Variants in DLG2 observed in about 807,000 individuals in gnomAD.
DLG2 encodes the protein discs large MAGUK scaffold protein 2.
Under a neutral mutation model 132.5 loss-of-function variants are expected in DLG2, and 45 were observed. The ratio of observed to expected loss-of-function variants is 0.34; its 90% CI spans 0.27 to 0.44. The LOEUF (loss-of-function observed/expected upper bound fraction) is 0.44, where lower values mean the gene tolerates loss of function less well. Ranked by LOEUF, DLG2 falls within the 20% of genes least tolerant of loss-of-function variation. The pLI, the probability that DLG2 is intolerant of heterozygous loss-of-function variation, is 1.00. For synonymous variants in DLG2, 424 were observed against 419.6 expected, an observed-to-expected ratio of 1.01 and a Z score of -0.13; for missense variants, 1,045 against 1,196.9, an observed-to-expected ratio of 0.87 and a Z score of 1.87.
intron 6 of DLG2, among the ~76,000 whole-genome samples, chr11:85,086,162 G>C (rs546983238): frequency 6.6e-6 from 1 of 152,064 alleles, no homozygotes; most frequent in African/African-American, 2.4e-5. Flanking sequence ...TTCCATACTT[G>C]AGATCTCATT....
At chr11:85,291,103 T>C (rs903556426) in intron 3 of DLG2, among the ~76,000 whole-genome samples, 1 of 152,158 alleles carries the variant, frequency 6.6e-6, no homozygotes, top group Non-Finnish European at 1.5e-5. Flanking sequence ...GTAAATATTT[T>C]TCTCTTGAAA....
At chr11:84,915,501 G>T (rs1356056745) in intron 6 of DLG2, among the ~76,000 whole-genome samples, 5 of 152,234 alleles carry the variant, frequency 3.3e-5, no homozygotes, top group Admixed American at 1.3e-4. Context: ...TTAACACATA[G>T]CAATTTCTGA....
intron 6 of DLG2, among the ~76,000 whole-genome samples, chr11:84,801,647 A>G (rs900077209): frequency 3.3e-5 from 5 of 152,228 alleles, no homozygotes; most frequent in Admixed American, 6.5e-5. Flanking sequence ...TGTGTCCCCC[A>G]GATGAAAGCA....
intron 10 of DLG2, among the ~76,000 whole-genome samples, chr11:84,079,911 T>C (rs1244551225): frequency 6.6e-6 from 1 of 152,182 alleles, no homozygotes; most frequent in Non-Finnish European, 1.5e-5. Flanking sequence ...CTCCATTCAC[T>C]TGGGTAACAG....
intron 6 of DLG2, among the ~76,000 whole-genome samples, chr11:84,583,009 T>C (rs2099520267): frequency 6.6e-6 from 1 of 152,214 alleles, no homozygotes; most frequent in Admixed American, 6.5e-5. Context: ...GTTTTGCTTA[T>C]GCTGACCCAA....
chr11:85,548,465 G>T (rs1332234279), intron 3 of DLG2, among the ~76,000 whole-genome samples: 1 of 152,224 alleles, frequency 6.6e-6, no homozygotes, highest in Non-Finnish European at 1.5e-5. Flanking sequence ...ATACACGGGG[G>T]TCAGGGACCC....
chr11:85,561,229 G>C (rs2077217673), intron 3 of DLG2, among the ~76,000 whole-genome samples: 1 of 147,986 alleles, frequency 6.8e-6, no homozygotes, highest in Admixed American at 6.8e-5. Flanking sequence ...CAGGCATGGT[G>C]GTTGAGACAG....
At chr11:84,003,869 T>C (rs934985008) in intron 11 of DLG2, among the ~76,000 whole-genome samples, 15 of 152,174 alleles carry the variant, frequency 9.9e-5, no homozygotes, top group African/African-American at 3.6e-4. Flanking sequence ...CCTGGAAACA[T>C]ACAACCTTCC....
intron 3 of DLG2, among the ~76,000 whole-genome samples, chr11:85,381,536 G>C (rs116872531): frequency 1.3e-5 from 2 of 152,002 alleles, no homozygotes; most frequent in East Asian, 1.9e-4. Flanking sequence ...AAGTCATCTA[G>C]ACTGAAAAGG....
chr11:83,765,766 T>C (rs868758227), intron 18 of DLG2, among the ~76,000 whole-genome samples: 3 of 152,196 alleles, frequency 2.0e-5, no homozygotes, highest in Non-Finnish European at 2.9e-5. Context: ...AGGCACAATA[T>C]ATGTACAATT....
chr11:85,425,981 G>T (rs557025952), intron 3 of DLG2, among the ~76,000 whole-genome samples: 1 of 152,350 alleles, frequency 6.6e-6, no homozygotes, highest in African/African-American at 2.4e-5. Flanking sequence ...CAGCATACCA[G>T]AAGATTACAT....
chr11:84,551,907 A>C (rs182567860), intron 6 of DLG2, among the ~76,000 whole-genome samples: 1 of 152,236 alleles, frequency 6.6e-6, no homozygotes, highest in African/African-American at 2.4e-5. Context: ...CCAAATACAA[A>C]ATTACACAGA....
chr11:83,540,451 G>A (rs11601201), intron 20 of DLG2, among the ~76,000 whole-genome samples: 36,281 of 152,018 alleles, frequency 0.24, 4,996 homozygotes, highest in African/African-American at 0.36. Context: ...TGGCATGGGG[G>A]AGGGAGAGGC....
chr11:84,131,576 C>T (rs872512), intron 9 of DLG2, among the ~76,000 whole-genome samples: 115,674 of 151,748 alleles, frequency 0.76, 44,858 homozygotes, highest in Middle Eastern at 0.87. Context: ...GCACTAGGAT[C>T]ATAATGATGA....
chr11:85,129,459 C>A (rs1015435373), intron 5 of DLG2, among the ~76,000 whole-genome samples: 3 of 152,048 alleles, frequency 2.0e-5, no homozygotes, highest in Non-Finnish European at 2.9e-5. Flanking sequence ...TATGTAGAAA[C>A]AAAATAAAAA....
chr11:84,202,454 T>A (rs761442926), intron 8 of DLG2, among the ~76,000 whole-genome samples: 1 of 152,126 alleles, frequency 6.6e-6, no homozygotes, highest in East Asian at 1.9e-4. Flanking sequence ...TTAAACCTTA[T>A]ACAAAAATTA....
rs192950404 is a variant in DLG2 at position 84,541,960 on chromosome 11, T to G, written c.358-7229A>C. Among the ~76,000 whole-genome samples, 50 of 152,192 alleles carry G rather than the reference T, an allele frequency of 3.3e-4. No individual in the cohort carries two copies. In the East Asian group the frequency reaches 3.7e-3, roughly 11 times the overall value. ...CATGTGCCTGATCTGTCACTGGAGG[T>G]TCTCTGGTGCAATTTGGAAGATGGC... On this transcript the variant is annotated intron_variant, in intron 6 of 27. Coordinates refer to ENST00000376104, the MANE Select transcript of DLG2 (RefSeq NM_001142699.3).
At chr11:83,863,901 G>C (rs1432538600) in intron 16 of DLG2, among the ~76,000 whole-genome samples, 1 of 152,164 alleles carries the variant, frequency 6.6e-6, no homozygotes, top group Non-Finnish European at 1.5e-5. Flanking sequence ...AGCACTGTAA[G>C]AGAAGGGATG....
chr11:84,805,449 T>C (rs1196155032), intron 6 of DLG2, among the ~76,000 whole-genome samples: 1 of 152,128 alleles, frequency 6.6e-6, no homozygotes, highest in Non-Finnish European at 1.5e-5. Flanking sequence ...CACCCAAATC[T>C]CATGTTCAAC....
Sources: allele counts gnomAD v4.1 joint callset (sites outside exome capture counted in the v4.1 genomes callset), GRCh38; gene constraint gnomAD v4.1.1; transcripts MANE v1.5; gene names NCBI Gene and HGNC (gene_info 2026-07-23, HGNC 2026-07-21).